NFIB: variants seen among roughly 807,000 people sequenced by gnomAD.
NFIB encodes the protein nuclear factor 1 B-type.
A neutral mutation model predicts 61.5 loss-of-function variants in NFIB; 11 were observed. That is an observed-to-expected ratio of 0.18 (90% CI 0.11 to 0.30). The LOEUF (loss-of-function observed/expected upper bound fraction) is 0.30. Ranked by LOEUF, NFIB falls within the 10% of genes least tolerant of loss-of-function variation. The probability of loss-of-function intolerance (pLI) is 1.00; values close to 1 mark genes in which losing one functional copy is unlikely to be tolerated. For missense variants in NFIB, 471 were observed against 608.9 expected, an observed-to-expected ratio of 0.77 and a Z score of 2.38; for synonymous variants, 260 against 216.5, an observed-to-expected ratio of 1.20 and a Z score of -1.76.
At chr9:14,354,293 T>TGTGGAGGC (rs1564027114) in intron 1 of NFIB, among the ~76,000 whole-genome samples, 1 of 152,154 alleles carries the variant, frequency 6.6e-6, no homozygotes, top group Non-Finnish European at 1.5e-5. Context: ...ACCACCACCT[T>TGTGGAGGC]TTGTGGAGCC....
intron 2 of NFIB, among the ~76,000 whole-genome samples, chr9:14,268,418 C>G (rs1298988962): frequency 6.6e-6 from 1 of 152,288 alleles, no homozygotes; most frequent in East Asian, 1.9e-4. Context: ...TTCGCCTACA[C>G]AGGCTAAAGT....
chr9:14,398,276 T>C (rs1008373475), intron 1 of NFIB, among the ~76,000 whole-genome samples: 2 of 152,208 alleles, frequency 1.3e-5, no homozygotes, highest in South Asian at 2.1e-4. Flanking sequence ...GCTGTTTCTT[T>C]TCCCCGAAAC....
At chr9:14,155,965 T>G (rs567893905) in intron 3 of NFIB, 72 bp from the exon 4 acceptor site, 1 of 921,190 alleles carries the variant, frequency 1.1e-6, no homozygotes, top group South Asian at 1.9e-5. Context: ...ACACTAGAAT[T>G]TAAGTGTTTT....
At chr9:14,302,686 C>T (rs2059810656) in intron 2 of NFIB, among the ~76,000 whole-genome samples, 1 of 152,050 alleles carries the variant, frequency 6.6e-6, no homozygotes, top group African/African-American at 2.4e-5. Flanking sequence ...GTGTTGTGAC[C>T]TCTCTCTTCA....
intron 7 of NFIB, among the ~76,000 whole-genome samples, chr9:14,121,507 G>C (rs979321173): frequency 6.6e-6 from 1 of 152,186 alleles, no homozygotes; most frequent in African/African-American, 2.4e-5. Context: ...ATCATCTCAT[G>C]TCATTTATAA....
At chr9:14,403,492 A>C (rs552622554), upstream of NFIB, among the ~76,000 whole-genome samples, 4 of 152,240 alleles carry the variant, frequency 2.6e-5, no homozygotes, top group African/African-American at 9.6e-5. Flanking sequence ...CTGGAAAAGA[A>C]AGCCAGATTC....
At position 14,116,247 on chromosome 9, in the gene NFIB, T is replaced by G. The variant is rs753551959; in HGVS notation, c.1345A>C (p.Ser449Arg). 112 of 1,538,286 alleles carry G rather than the reference T, an allele frequency of 7.3e-5. No individual in the cohort carries two copies. Among genetic ancestry groups the G allele is most frequent in the Non-Finnish European group, 8.3e-5 (95 of 1,140,248 alleles). The change falls in exon 9 of 11, where the codon AGC (serine) becomes CGC (arginine). Residue 449 changes from serine (S) to arginine (R), a missense_variant. Physicochemically the swap from Ser to Arg is moderately radical, Grantham distance 110. Transcript: ENST00000380953. Reference sequence around the variant, plus strand: ...GTGATGGGTTTAGTATCTGTCATGCTCAGGGTCACAGGTCGCACTGCACTG... The same window carrying G: ...GTGATGGGTTTAGTATCTGTCATGCGCAGGGTCACAGGTCGCACTGCACTG... The part of the protein sequence containing the change: ...HPSAVRPVTL[S>R]MTDTKPITTS...
chr9:14,467,675 T>A, the NFIB span, among the ~76,000 whole-genome samples: 1 of 152,358 alleles, frequency 6.6e-6, no homozygotes, highest in East Asian at 1.9e-4. Context: ...TTTATTGATT[T>A]GATATTCATT....
intron 10 of NFIB, among the ~76,000 whole-genome samples, chr9:14,102,860 G>A (rs572606410): frequency 2.6e-4 from 40 of 152,226 alleles, no homozygotes; most frequent in Non-Finnish European, 2.9e-4. Flanking sequence ...AAATAAAAAT[G>A]CTTTTTTTCT....
At chr9:14,360,315 G>T (rs2061223718) in intron 1 of NFIB, among the ~76,000 whole-genome samples, 1 of 152,034 alleles carries the variant, frequency 6.6e-6, no homozygotes, top group Admixed American at 6.6e-5. Flanking sequence ...CCCATATTGA[G>T]GTCACTAGCA....
chr9:14,325,209 C>T (rs945820908), intron 1 of NFIB, among the ~76,000 whole-genome samples: 2 of 151,914 alleles, frequency 1.3e-5, no homozygotes, highest in African/African-American at 2.4e-5. Flanking sequence ...TTAAAAATAG[C>T]ACTGTCCAAC....
At chr9:14,455,015 C>G in the NFIB span, among the ~76,000 whole-genome samples, 1 of 152,124 alleles carries the variant, frequency 6.6e-6, no homozygotes, top group South Asian at 2.1e-4. Context: ...AAAAAATAAA[C>G]TTTTATGGTT....
intron 1 of NFIB, among the ~76,000 whole-genome samples, chr9:14,364,948 C>T (rs1342958514): frequency 6.6e-6 from 1 of 152,204 alleles, no homozygotes; most frequent in Non-Finnish European, 1.5e-5. Context: ...AATTCCACCA[C>T]ATCAACCCCA....
At chr9:14,151,678 C>T (rs1188047971) in intron 4 of NFIB, among the ~76,000 whole-genome samples, 2 of 152,106 alleles carry the variant, frequency 1.3e-5, no homozygotes, top group Non-Finnish European at 2.9e-5. Context: ...ACAGGGACTG[C>T]TGCAGAAGCA....
At chr9:14,111,694 G>C (rs1055530272) in intron 10 of NFIB, among the ~76,000 whole-genome samples, 2 of 152,084 alleles carry the variant, frequency 1.3e-5, no homozygotes, top group Non-Finnish European at 2.9e-5. Context: ...ACATTCCAGA[G>C]AATTATGTTG....
At chr9:14,326,691 GT>G in intron 1 of NFIB, among the ~76,000 whole-genome samples, 1 of 85,500 alleles carries the variant, frequency 1.2e-5, no homozygotes, top group African/African-American at 4.0e-5. Flanking sequence ...GGTTAAAGTG[GT>G]TTACAGAAAA....
chr9:14,300,001 A>G (rs577266661), intron 2 of NFIB, among the ~76,000 whole-genome samples: 3 of 152,340 alleles, frequency 2.0e-5, no homozygotes, highest in Admixed American at 6.5e-5. Flanking sequence ...CTAACGTTCA[A>G]TCTAATACAA....
the NFIB span, among the ~76,000 whole-genome samples, chr9:14,411,355 G>A: frequency 4.6e-5 from 7 of 152,264 alleles, no homozygotes; most frequent in African/African-American, 1.4e-4. Context: ...TTTGTCGATT[G>A]ATCTATTACA....
intron 3 of NFIB, among the ~76,000 whole-genome samples, chr9:14,159,983 C>G (rs2043959902): frequency 6.6e-6 from 1 of 152,050 alleles, no homozygotes; most frequent in African/African-American, 2.4e-5. Context: ...CTTCGTCTAC[C>G]AAAGGAAATA....
Sources: gnomAD v4.1 joint callset for allele counts (sites outside exome capture counted in the v4.1 genomes callset) on GRCh38, gnomAD v4.1.1 for gene constraint, MANE v1.5 for transcripts, NCBI Gene and HGNC (gene_info 2026-07-23, HGNC 2026-07-21) for gene names.